The following IMPG1 variants were observed in gnomAD, a reference collection of about 807,000 sequenced individuals.
The protein encoded by IMPG1 is interphotoreceptor matrix proteoglycan of 150 kDa.
A neutral mutation model predicts 92.0 loss-of-function variants in IMPG1; 85 were observed. That is an observed-to-expected ratio of 0.92 (90% CI 0.78 to 1.11). The LOEUF (loss-of-function observed/expected upper bound fraction) is 1.11, where lower values mean the gene tolerates loss of function less well. IMPG1 is among the 50% of genes least tolerant of loss of function. The probability of loss-of-function intolerance (pLI) is 0.00; values close to 1 mark genes in which losing one functional copy is unlikely to be tolerated. For synonymous variants in IMPG1, 367 were observed against 334.1 expected (o/e 1.10, Z -1.08); for missense variants, 1,022 against 956.0 (o/e 1.07, Z -0.91).
At chr6:76,003,019 C>T in intron 11 of IMPG1, 23 bp from the exon 12 acceptor site, 1 of 1,565,278 alleles carries the variant, frequency 6.4e-7, no homozygotes, top group Non-Finnish European at 8.8e-7. Flanking sequence ...TTTTGCAAGA[C>T]AGATGTTGAG....
chr6:75,959,978 C>G (rs1853935), intron 12 of IMPG1, among the ~76,000 whole-genome samples: 7,345 of 152,252 alleles, frequency 0.048, 196 homozygotes, highest in East Asian at 0.1. Context: ...GTGCTTGAAA[C>G]CCAGGGCCCT....
chr6:76,007,838 G>A (rs1288448703), intron 8 of IMPG1, among the ~76,000 whole-genome samples: 4 of 152,080 alleles, frequency 2.6e-5, no homozygotes, highest in Non-Finnish European at 5.9e-5. Context: ...TATCCTACAT[G>A]TTTTACATTT....
intron 2 of IMPG1, among the ~76,000 whole-genome samples, chr6:76,035,480 C>G (rs1262764342): frequency 1.3e-5 from 1 of 78,762 alleles, no homozygotes; most frequent in East Asian, 4.1e-4. Context: ...GCCTGGGCAA[C>G]AAGAGCAAAA....
At chr6:75,982,911 T>C (rs1287124704) in intron 12 of IMPG1, among the ~76,000 whole-genome samples, 1 of 152,056 alleles carries the variant, frequency 6.6e-6, no homozygotes, top group Non-Finnish European at 1.5e-5. Flanking sequence ...TTAACATCCA[T>C]TCATCTGCTA....
intron 8 of IMPG1, among the ~76,000 whole-genome samples, chr6:76,009,978 T>G (rs79969073): frequency 0.035 from 5,269 of 152,338 alleles, 136 homozygotes; most frequent in East Asian, 0.099. Context: ...TATTTTTCTC[T>G]AATCCATCTG....
intron 2 of IMPG1, among the ~76,000 whole-genome samples, chr6:76,040,167 C>T (rs971412941): frequency 1.3e-5 from 2 of 152,068 alleles, no homozygotes; most frequent in Admixed American, 1.3e-4. Flanking sequence ...ACTGTCATTG[C>T]TGTGGGGAGA....
intron 2 of IMPG1, among the ~76,000 whole-genome samples, chr6:76,040,039 G>A (rs796373836): frequency 2.7e-4 from 41 of 152,284 alleles, no homozygotes; most frequent in African/African-American, 9.6e-4. Context: ...GAGGAAAACC[G>A]CTTTGTAGCT....
chr6:75,924,451 CATAATT>C (rs1456054742), intron 15 of IMPG1, among the ~76,000 whole-genome samples: 1 of 80,132 alleles, frequency 1.2e-5, no homozygotes, highest in Admixed American at 2.0e-4. Flanking sequence ...TATAATATAA[CATAATT>C]ATATAATATA....
intron 12 of IMPG1, among the ~76,000 whole-genome samples, chr6:76,001,267 A>G (rs1782983838): frequency 1.3e-5 from 2 of 152,254 alleles, no homozygotes. Flanking sequence ...AGAATGAAAG[A>G]AAAGTATTCA....
intron 9 of IMPG1, among the ~76,000 whole-genome samples, chr6:76,006,212 C>A (rs998563225): frequency 2.0e-5 from 3 of 151,528 alleles, no homozygotes; most frequent in Non-Finnish European, 4.4e-5. Flanking sequence ...TCATGCCGTG[C>A]CAATCAGGAA....
Position 76,067,214 on chromosome 6 carries a change from T to TAA in IMPG1, c.67+5206_67+5207dup, listed in dbSNP as rs138329525. On this transcript the variant is annotated intron_variant, in intron 1 of 16. Transcript: ENST00000369950. ...AAGGAGAACTAAATGAAATGGAGAC[T>TAA]AAAAAAAAAATAAAAAGCATCAATG... is the stretch of plus-strand genomic sequence containing the variant. 1.4e-3 allele frequency among the ~76,000 whole-genome samples: 199 copies of TAA among 145,712 alleles called. 2 individuals carry two copies. Among genetic ancestry groups the TAA allele is most frequent in the African/African-American group, 4.2e-3 (166 of 39,962 alleles).
At chr6:75,960,616 A>C (rs1041205368) in intron 12 of IMPG1, among the ~76,000 whole-genome samples, 1 of 152,188 alleles carries the variant, frequency 6.6e-6, no homozygotes, top group Non-Finnish European at 1.5e-5. Context: ...GAAGCTTCTA[A>C]GGTTATAGTC....
intron 1 of IMPG1, among the ~76,000 whole-genome samples, chr6:76,050,916 C>A (rs954309617): frequency 6.6e-6 from 1 of 152,082 alleles, no homozygotes; most frequent in African/African-American, 2.4e-5. Flanking sequence ...AAGCAACAGC[C>A]ATTGGTATAA....
At chr6:75,926,919 C>G (rs1353244367) in intron 15 of IMPG1, among the ~76,000 whole-genome samples, 2 of 152,154 alleles carry the variant, frequency 1.3e-5, no homozygotes, top group East Asian at 1.9e-4. Flanking sequence ...GGAAACTGCT[C>G]TTTGTGTGTC....
chr6:75,943,703 C>T (rs1424481108), intron 14 of IMPG1, among the ~76,000 whole-genome samples: 1 of 152,236 alleles, frequency 6.6e-6, no homozygotes, highest in African/African-American at 2.4e-5. Flanking sequence ...CTGGCTATCC[C>T]CGGCCAAAGG....
intron 14 of IMPG1, among the ~76,000 whole-genome samples, chr6:75,935,903 A>T (rs1217302765): frequency 6.6e-6 from 1 of 152,228 alleles, no homozygotes; most frequent in Non-Finnish European, 1.5e-5. Flanking sequence ...TTCTCTTCTC[A>T]ATGTGTGAAC....
Position 75,922,083 on chromosome 6 carries a change from C to T in IMPG1, c.*6G>A, listed in dbSNP as rs780042566. ...AGCCTAAATGATAATTGTACATTTTCAGTTTTTAATTTCCTTCCCAATCTT... is the reference window on the plus strand; with the variant it reads ...AGCCTAAATGATAATTGTACATTTTTAGTTTTTAATTTCCTTCCCAATCTT... On this transcript the variant is annotated 3_prime_UTR_variant, in exon 17 of 17. Coordinates refer to ENST00000369950, the MANE Select transcript of IMPG1 (RefSeq NM_001563.4). 13 of 1,215,556 alleles carry T rather than the reference C, an allele frequency of 1.1e-5. No individual in the cohort carries two copies. The highest frequency in any genetic ancestry group is 1.4e-5 in the Non-Finnish European group (12 of 833,690). 75.3% of individuals were successfully genotyped at this position (1,215,556 alleles called of 1,614,324 possible). A position where few individuals can be genotyped will look rare whatever the true frequency, so the allele number is the denominator to read the frequency against.
At chr6:75,979,234 A>G (rs756395612) in intron 12 of IMPG1, among the ~76,000 whole-genome samples, 3 of 152,178 alleles carry the variant, frequency 2.0e-5, no homozygotes, top group Non-Finnish European at 4.4e-5. Context: ...ATAAACTCTT[A>G]ATATAGTATC....
intron 12 of IMPG1, among the ~76,000 whole-genome samples, chr6:75,952,238 G>T (rs1156502929): frequency 6.6e-6 from 1 of 152,148 alleles, no homozygotes; most frequent in East Asian, 1.9e-4. Flanking sequence ...GGAGCTTTTT[G>T]TGATTTCTTC....
Sources: gnomAD v4.1 joint callset for allele counts (sites outside exome capture counted in the v4.1 genomes callset) on GRCh38, gnomAD v4.1.1 for gene constraint, MANE v1.5 for transcripts, NCBI Gene and HGNC (gene_info 2026-07-23, HGNC 2026-07-21) for gene names.